Variants in TNIP1 observed in about 807,000 individuals in gnomAD.
TNIP1 encodes the protein TNFAIP3 interacting protein 1.
In TNIP1, 22 loss-of-function variants were observed where a neutral mutation model predicts 86.6. The observed-to-expected ratio is 0.25, with a 90% CI of 0.18 to 0.36. TNIP1 has a LOEUF of 0.36. TNIP1 is among the 10% of genes least tolerant of loss of function. TNIP1 has a pLI of 1.00. For missense variants in TNIP1, 709 were observed against 820.6 expected (o/e 0.86, Z 1.66); for synonymous variants, 294 against 313.0 (o/e 0.94, Z 0.64).
rs141560228 is a variant in TNIP1, at chr5:151,055,206, T to C, written c.627+1560A>G. On this transcript the variant is annotated intron_variant, in intron 6 of 17. Transcript: ENST00000521591. ...ACATGGTGCCTGCCCCCCTCAAGCT[T>C]ACCTTCTAGCAGAGAGTATAAGAAA... 5.1e-3 allele frequency among the ~76,000 whole-genome samples: 783 copies of C among 152,112 alleles called. 8 individuals are homozygous for C. The highest frequency in any genetic ancestry group is 0.018 in the African/African-American group (745 of 41,466).
At chr5:151,057,717 AAAAC>A (rs570873478) in intron 5 of TNIP1, among the ~76,000 whole-genome samples, 99 of 152,348 alleles carry the variant, frequency 6.5e-4, no homozygotes, top group African/African-American at 2.3e-3. Context: ...ATTCCGTCCC[AAAAC>A]AAACAAACAA....
rs1475154555 is a variant in TNIP1, at chr5:151,049,907, C to T, written c.763G>A (p.Gly255Ser). Residue 255 changes from glycine (G) to serine (S), a missense_variant, in exon 8 of 18, where the codon GGC becomes AGC. Physicochemically the swap from Gly to Ser is moderately conservative, Grantham distance 56. Coordinates refer to ENST00000521591, the MANE Select transcript of TNIP1 (RefSeq NM_006058.5). ...LELKKLLMSN[G>S]NKEGASGRPG... The stretch of plus-strand genomic sequence containing the variant: ...CGCCCAGACGCACCCTCTTTGTTGC[C>T]ATTGCTCATCAACAACTTCTTGAGC... 4 of 1,614,084 alleles carry T rather than the reference C, an allele frequency of 2.5e-6. No individual in the cohort carries two copies. The African/African-American group carries it at 4.0e-5, about 16-fold the overall frequency.
rs972046328 is a variant in TNIP1, at chr5:151,080,938, A to T, written c.-95T>A. The T allele has an allele frequency of 6.6e-6, 1 of 152,032 alleles. No individual in the cohort carries two copies. 9.4% of individuals were successfully genotyped at this position (152,032 alleles called of 1,614,324 possible). Reference sequence around the variant, plus strand: ...GCTTGCTGCGTCCAGCCCCGAATCCAGGGACGGGGCAGCGGCCCGGGCAAG... The same window carrying T: ...GCTTGCTGCGTCCAGCCCCGAATCCTGGGACGGGGCAGCGGCCCGGGCAAG... On this transcript the variant is annotated 5_prime_UTR_variant, in exon 1 of 18. Coordinates refer to ENST00000521591, the MANE Select transcript of TNIP1 (RefSeq NM_006058.5).
chr5:151,084,138 G>C (rs918916915), upstream of TNIP1, among the ~76,000 whole-genome samples: 1 of 152,192 alleles, frequency 6.6e-6, no homozygotes, highest in African/African-American at 2.4e-5. Flanking sequence ...AGGCTTGAAG[G>C]GTCTTTAGAA....
At chr5:151,064,509 G>C (rs1421600581) in intron 2 of TNIP1, among the ~76,000 whole-genome samples, 1 of 152,158 alleles carries the variant, frequency 6.6e-6, no homozygotes, top group African/African-American at 2.4e-5. Context: ...GCTTGAGCAA[G>C]AGCCAGGAGA....
intron 16 of TNIP1, among the ~76,000 whole-genome samples, chr5:151,033,267 T>C (rs994431744): frequency 3.3e-5 from 5 of 151,564 alleles, no homozygotes; most frequent in Non-Finnish European, 5.9e-5. Flanking sequence ...CTCTGGAACC[T>C]AGTTACACGT....
At chr5:151,034,935 C>T in intron 15 of TNIP1, 67 bp downstream of exon 15, 1 of 1,574,512 alleles carries the variant, frequency 6.4e-7, no homozygotes, top group Non-Finnish European at 8.7e-7. Context: ...ACTGTGCATC[C>T]ATCAGGCTAG....
At chr5:151,049,726 G>T in intron 8 of TNIP1, 98 bp downstream of exon 8, 2 of 1,435,376 alleles carry the variant, frequency 1.4e-6, no homozygotes, top group Non-Finnish European at 1.9e-6. Context: ...ACTGGCACTG[G>T]CTGCAGGAGG....
intron 1 of TNIP1, among the ~76,000 whole-genome samples, chr5:151,086,106 A>T (rs1237227597): frequency 6.6e-6 from 1 of 152,138 alleles, no homozygotes; most frequent in Non-Finnish European, 1.5e-5. Context: ...GCCTTTCTTC[A>T]TCATTCCTGG....
chr5:151,043,926 AAGG>A (rs1249361290), intron 9 of TNIP1, among the ~76,000 whole-genome samples: 6 of 152,316 alleles, frequency 3.9e-5, no homozygotes, highest in African/African-American at 1.4e-4. Context: ...AATAAAACAA[AAGG>A]AGTATTGGCC....
intron 7 of TNIP1, 59 bp downstream of exon 7, chr5:151,052,106 C>T: frequency 6.6e-7 from 1 of 1,511,330 alleles, no homozygotes; most frequent in Non-Finnish European, 9.1e-7. Context: ...GTGCTGCACA[C>T]CAGCCCCTCC....
chr5:151,062,163 A>G lies in TNIP1; in HGVS notation c.321T>C (p.Ser107=), dbSNP rs1367961955. 1.2e-6 allele frequency: 2 copies of G among 1,614,158 alleles called. No individual in the cohort carries two copies. Among genetic ancestry groups the G allele is most frequent in the Non-Finnish European group, 1.7e-6 (2 of 1,180,012 alleles). ...GCTTCTGGACTGGTGCTGGCTTGTC[A>G]CTGGGGCATGCAGGGGCTGTGGGAG... ...TASPTAPACP[S]DKPAPVQKPP... Residue 107 remains serine (S), a synonymous_variant, in exon 4 of 18, where the codon AGT becomes AGC. Transcript: ENST00000521591.
chr5:151,034,779 G>T (rs1008117655), intron 15 of TNIP1: 1 of 561,566 alleles, frequency 1.8e-6, no homozygotes, highest in Non-Finnish European at 3.2e-6. Context: ...ACATGGGCAC[G>T]GAAGGTTGCT....
chr5:151,083,488 T>G (rs1474504591), upstream of TNIP1, among the ~76,000 whole-genome samples: 1 of 152,054 alleles, frequency 6.6e-6, no homozygotes, highest in Non-Finnish European at 1.5e-5. Flanking sequence ...TGGCACTGCC[T>G]GCTACCCTGT....
Position 151,035,022 on chromosome 5 carries a change from G to A in TNIP1, c.1567C>T (p.Gln523Ter). The change falls in exon 15 of 18, where the codon CAG (glutamine) becomes TAG (stop). Residue 523 changes from glutamine to a stop codon, truncating the protein, a stop_gained. Transcript: ENST00000521591. LOFTEE classifies it high-confidence loss of function. ...CTCACCTTTGCTTTCCTCTTCTGCT[G>A]TCTGAGGGCTTCTCTTGCCTTCTCC... is the stretch of plus-strand genomic sequence containing the variant. ...DEEKAREALRQQKRKAKASGE... is the reference protein window; with the variant it reads ...DEEKAREALR 1 of 1,614,138 alleles carries A rather than the reference G, an allele frequency of 6.2e-7. No individual in the cohort carries two copies. Among genetic ancestry groups the A allele is most frequent in the Non-Finnish European group, 8.5e-7 (1 of 1,180,014 alleles).
intron 1 of TNIP1, among the ~76,000 whole-genome samples, chr5:151,073,515 C>A (rs1763044944): frequency 1.3e-5 from 2 of 151,072 alleles, no homozygotes; most frequent in Admixed American, 6.6e-5. Flanking sequence ...CAGAAAGATG[C>A]CCATAAAATA....
intron 12 of TNIP1, among the ~76,000 whole-genome samples, chr5:151,038,210 C>T (rs1300549514): frequency 6.6e-6 from 1 of 152,190 alleles, no homozygotes; most frequent in Non-Finnish European, 1.5e-5. Context: ...GAAAGGGTTT[C>T]CCCAGCAGGC....
rs371678586 is a variant in TNIP1 at position 151,062,091 on chromosome 5, A to G, written c.357+36T>C. The G allele has an allele frequency of 6.9e-6, 11 of 1,598,750 alleles. No homozygotes were observed. The African/African-American group carries it at 1.3e-4, about 19-fold the overall frequency. On this transcript the variant is annotated intron_variant, in intron 4 of 17. Transcript: ENST00000521591. The stretch of plus-strand genomic sequence containing the variant: ...TGTCAGTAGGACTTGAGGTCCATCC[A>G]GGCAACCTCCACCCATGACTCCAAA...
At position 151,030,081 on chromosome 5, in the gene TNIP1, C is replaced by A; in HGVS notation, c.*632G>T. Reference sequence around the variant, plus strand: ...CCAGGGTCTGAACCTCAGGGCCTGGCAGCTTCAGGCTGGCGCCCCTCGGCG... The same window carrying A: ...CCAGGGTCTGAACCTCAGGGCCTGGAAGCTTCAGGCTGGCGCCCCTCGGCG... On this transcript the variant is annotated 3_prime_UTR_variant, in exon 18 of 18. Coordinates refer to ENST00000521591, the MANE Select transcript of TNIP1 (RefSeq NM_006058.5). 2.2e-6 allele frequency: 1 copy of A among 456,890 alleles called. No individual in the cohort carries two copies. Among genetic ancestry groups the A allele is most frequent in the South Asian group, 1.5e-5 (1 of 64,572 alleles). 28.3% of individuals were successfully genotyped at this position (456,890 alleles called of 1,614,324 possible).
Sources: allele counts gnomAD v4.1 joint callset (sites outside exome capture counted in the v4.1 genomes callset), GRCh38; gene constraint gnomAD v4.1.1; transcripts MANE v1.5; gene names NCBI Gene and HGNC (gene_info 2026-07-23, HGNC 2026-07-21).